The following CHD8 variants were observed in gnomAD, a reference collection of about 807,000 sequenced individuals.
The protein encoded by CHD8 is ATP-dependent chromatin remodeler CHD8.
A neutral mutation model predicts 279.2 loss-of-function variants in CHD8; 31 were observed. The observed-to-expected ratio is 0.11, with a 90% confidence interval of 0.08 to 0.15. The LOEUF is 0.15. CHD8 is among the 10% of genes least tolerant of loss of function. The probability of loss-of-function intolerance (pLI) is 1.00; values close to 1 mark genes in which losing one functional copy is unlikely to be tolerated. For missense variants in CHD8, 2,146 were observed against 3,230.5 expected, an observed-to-expected ratio of 0.66 and a Z score of 8.14; for synonymous variants, 1,081 against 1,139.6, an observed-to-expected ratio of 0.95 and a Z score of 1.04.
In CHD8 at chr14:21,410,170, T is replaced by C. The variant is rs114842481; in HGVS notation, c.2227-182A>G. Among the ~76,000 whole-genome samples, 2,445 of 152,334 alleles carry C rather than the reference T, an allele frequency of 0.016. 63 individuals are homozygous for C. Among genetic ancestry groups the C allele is most frequent in the African/African-American group, 0.057 (2,352 of 41,564 alleles). ...CTGATGCACTATATGGCTTTGATCA[T>C]TCTTCAAAGCAATTTATCAGAATCT... On this transcript the variant is annotated intron_variant, in intron 10 of 37. Transcript: ENST00000646647.
intron 1 of CHD8, chr14:21,436,994 C>G (rs1055340830): frequency 3.1e-6 from 4 of 1,278,638 alleles, no homozygotes; most frequent in Non-Finnish European, 4.1e-6. Flanking sequence ...AAATGAGGTA[C>G]ATGCACTTGA....
At chr14:21,392,389 G>C (rs1211094993) in intron 34 of CHD8, 118 bp downstream of exon 34, 2 of 1,036,664 alleles carry the variant, frequency 1.9e-6, no homozygotes, top group Non-Finnish European at 2.8e-6. Context: ...TGTAAGCTCT[G>C]TTTTCTCATT....
At chr14:21,426,360 C>CA (rs1247044160) in intron 4 of CHD8, 118 bp from the exon 5 acceptor site, 1 of 616,990 alleles carries the variant, frequency 1.6e-6, no homozygotes, top group Non-Finnish European at 2.9e-6. Flanking sequence ...TTTAGATCTT[C>CA]AGTCAATAGG....
At position 21,395,649 on chromosome 14, in the gene CHD8, AC is replaced by A. The variant is rs554718639; in HGVS notation, c.5127+167del. On this transcript the variant is annotated intron_variant, in intron 28 of 37. Coordinates refer to ENST00000646647, the MANE Select transcript of CHD8 (RefSeq NM_001170629.2). Reference sequence around the variant, plus strand: ...ATAAAGTTATCCCTGATCTCCCCCTACTGGCATTACAGTCCTTTCCATTAAT... The same window carrying A: ...ATAAAGTTATCCCTGATCTCCCCCTATGGCATTACAGTCCTTTCCATTAAT... 1.2e-4 allele frequency: 75 copies of A among 611,028 alleles called. No individual in the cohort carries two copies. In the African/African-American group the frequency reaches 1.2e-3, roughly 10 times the overall value. The allele number at this position is 611,028 out of a possible 1,614,324, so 37.9% of individuals were successfully genotyped here.
intron 9 of CHD8, chr14:21,413,934 G>A (rs1286468467): frequency 1.7e-5 from 3 of 177,682 alleles, no homozygotes; most frequent in South Asian, 2.6e-4. Context: ...AATCACACTG[G>A]ATTAGAAATT....
chr14:21,445,360 AG>A (rs1018255137), intron 1 of CHD8, among the ~76,000 whole-genome samples: 1 of 151,708 alleles, frequency 6.6e-6, no homozygotes, highest in African/African-American at 2.4e-5. Flanking sequence ...TCACGAGGTC[AG>A]GAATTCAAGA....
intron 25 of CHD8, 125 bp from the exon 26 acceptor site, chr14:21,399,830 T>G: frequency 1.1e-6 from 1 of 931,688 alleles, no homozygotes; most frequent in Non-Finnish European, 1.8e-6. Flanking sequence ...CTACCCTATT[T>G]CCTCCCACTA....
intron 1 of CHD8, among the ~76,000 whole-genome samples, chr14:21,432,551 C>A (rs1889606826): frequency 6.6e-6 from 1 of 152,124 alleles, no homozygotes; most frequent in South Asian, 2.1e-4. Context: ...TTCCTCTTAC[C>A]ATCTCTTACA....
Position 21,392,700 on chromosome 14 carries a change from G to A in CHD8, c.6578C>T (p.Pro2193Leu), listed in dbSNP as rs759519178. The change falls in exon 34 of 38, where the codon CCA (proline) becomes CTA (leucine). Residue 2193 changes from proline (P) to leucine (L), a missense_variant. By Grantham distance (98) the Pro-to-Leu change is moderately conservative. This residue lies in a region of CHD8 where 513 missense variants were observed against 637.6 expected (regional missense o/e 0.80). Transcript: ENST00000646647. ...QEMVTGGILG[P>L]GNHLLDSPSL... ...GGGACTGTCTAGCAAGTGGTTGCCTGGCCCCAAAATTCCTCCTGTTACCAT... is the reference window on the plus strand; with the variant it reads ...GGGACTGTCTAGCAAGTGGTTGCCTAGCCCCAAAATTCCTCCTGTTACCAT... 2 of 1,613,980 alleles carry A rather than the reference G, an allele frequency of 1.2e-6. No homozygotes were observed. Among genetic ancestry groups the A allele is most frequent in the South Asian group, 2.2e-5 (2 of 91,084 alleles).
chr14:21,443,896 C>A (rs1890051573), intron 1 of CHD8, among the ~76,000 whole-genome samples: 1 of 150,960 alleles, frequency 6.6e-6, no homozygotes, highest in South Asian at 2.1e-4. Context: ...TTTAAAATGT[C>A]CACTGGATGT....
intron 1 of CHD8, among the ~76,000 whole-genome samples, chr14:21,440,268 G>A (rs888014337): frequency 4.6e-5 from 7 of 152,068 alleles, no homozygotes; most frequent in African/African-American, 1.7e-4. Flanking sequence ...GTGCAGTAGT[G>A]CGATCTCGGC....
chr14:21,428,713 G>T (rs1183248229), intron 3 of CHD8, among the ~76,000 whole-genome samples: 1 of 152,086 alleles, frequency 6.6e-6, no homozygotes, highest in Non-Finnish European at 1.5e-5. Flanking sequence ...ATTAGGAAAA[G>T]ATTATAAATA....
intron 1 of CHD8, among the ~76,000 whole-genome samples, chr14:21,436,307 T>C (rs1889778437): frequency 6.6e-6 from 1 of 152,262 alleles, no homozygotes; most frequent in Admixed American, 6.5e-5. Context: ...AGCAGCTTAA[T>C]TTAAATGAGA....
At chr14:21,430,344 A>G (rs559475269) in intron 2 of CHD8, 1 of 159,394 alleles carries the variant, frequency 6.3e-6, no homozygotes, top group African/African-American at 2.4e-5. Flanking sequence ...TGAGCAAAGT[A>G]GGAGGGGGAC....
chr14:21,401,171 A>G, intron 21 of CHD8, 100 bp from the exon 22 acceptor site: 1 of 952,376 alleles, frequency 1.1e-6, no homozygotes, highest in South Asian at 1.8e-5. Context: ...TGTAACGTGT[A>G]GATACTCAGA....
In CHD8 at chr14:21,431,306, G is replaced by C. The variant is rs530700201; in HGVS notation, c.338C>G (p.Ser113Trp). 6.4e-7 allele frequency: 1 copy of C among 1,555,252 alleles called. No individual in the cohort carries two copies. Among genetic ancestry groups the C allele is most frequent in the East Asian group, 2.4e-5 (1 of 42,228 alleles). ...TTGCAAAAGTCCTGATGTTGGCGTC[G>C]ATGTCTGTAAGACAGGTTGGGCTGG... Reference protein sequence around the residue: ...EQPAQPVLQTSTPTSGLLQVS... With the variant: ...EQPAQPVLQTWTPTSGLLQVS... Residue 113 changes from serine to tryptophan, a missense_variant, in exon 2 of 38, where the codon TCG (serine) becomes TGG (tryptophan). By Grantham distance (177) the Ser-to-Trp change is radical (BLOSUM62 -3). Around this residue, in one of 26 missense-constraint regions of CHD8, gnomAD observed 302 missense variants for 325.5 expected, o/e 0.93. Transcript: ENST00000646647.
In CHD8 at chr14:21,403,239, G is replaced by C. The variant is rs368319906; in HGVS notation, c.3519-27C>G. The C allele has an allele frequency of 5.6e-6, 9 of 1,604,694 alleles. No homozygotes were observed. The South Asian group carries it at 8.8e-5, about 16-fold the overall frequency. On this transcript the variant is annotated intron_variant, in intron 17 of 37. Transcript: ENST00000646647. The surrounding 1 kb of genome is among the most constrained non-coding windows in gnomAD (Gnocchi z 4.3). Reference sequence around the variant, plus strand: ...TGTATGGGAATCGCAGAAAAAAAATGTAAGTGGCTAAGCAGAAGTGGAGAC... The same window carrying C: ...TGTATGGGAATCGCAGAAAAAAAATCTAAGTGGCTAAGCAGAAGTGGAGAC...
At chr14:21,399,405 T>C (rs1887935576) in intron 26 of CHD8, 197 bp downstream of exon 26, 1 of 545,450 alleles carries the variant, frequency 1.8e-6, no homozygotes, top group Admixed American at 3.0e-5. Flanking sequence ...GATTTACCTA[T>C]CCATCTGGCC....
At position 21,431,224 on chromosome 14, in the gene CHD8, G is replaced by A. The variant is rs572999560; in HGVS notation, c.420C>T (p.Ala140=). The A allele has an allele frequency of 4.4e-6, 7 of 1,598,916 alleles. No homozygotes were observed. In the African/African-American group the frequency reaches 8.0e-5, roughly 18 times the overall value. ...SQGNPFMGVS[A]TAVSSSSAGG... Reference sequence around the variant, plus strand: ...CAGCACTACTGGAGGAGACAGCTGTGGCAGAGACACCCATGAAAGGATTCC... The same window carrying A: ...CAGCACTACTGGAGGAGACAGCTGTAGCAGAGACACCCATGAAAGGATTCC... The change falls in exon 2 of 38, where the codon GCC becomes GCT. Residue 140 remains alanine, a synonymous_variant. Transcript: ENST00000646647.
Sources: allele counts gnomAD v4.1 joint callset (sites outside exome capture counted in the v4.1 genomes callset), GRCh38; gene constraint gnomAD v4.1.1; regional missense constraint gnomAD v4.1.1; non-coding constraint Gnocchi (gnomAD v3.1); transcripts MANE v1.5; gene names NCBI Gene and HGNC (gene_info 2026-07-23, HGNC 2026-07-21).